The following RPTOR variants were observed in gnomAD, a reference collection of about 807,000 sequenced individuals.
RPTOR encodes the protein regulatory-associated protein of mTOR.
RPTOR carries 21 observed loss-of-function variants against 169.9 expected under a neutral mutation model. That is an observed-to-expected ratio of 0.12 (90% CI 0.09 to 0.18). The LOEUF (loss-of-function observed/expected upper bound fraction) is 0.18, where lower values mean the gene tolerates loss of function less well. RPTOR is among the 10% of genes least tolerant of loss of function. The pLI is 1.00. For synonymous variants in RPTOR, 732 were observed against 753.2 expected (o/e 0.97, Z 0.46); for missense variants, 1,133 against 1,855.9 (o/e 0.61, Z 7.16).
At chr17:80,598,163 T>G (rs1351672669) in intron 1 of RPTOR, among the ~76,000 whole-genome samples, 1 of 151,786 alleles carries the variant, frequency 6.6e-6, no homozygotes, top group East Asian at 1.9e-4. Context: ...TTCGTCTGCT[T>G]GAGATGTGGG....
Position 80,962,505 on chromosome 17 carries a change from C to G in RPTOR, c.3737C>G (p.Ser1246Trp). The stretch of plus-strand genomic sequence containing the variant: ...ATCTTTGATCCCCGGATGCCTGAGT[C>G]GGTAAATGTGCTTCAGATCGTGAAG... Reference protein sequence around the residue: ...VRIFDPRMPESVNVLQIVKGL... With the variant: ...VRIFDPRMPEWVNVLQIVKGL... The change falls in exon 32 of 34, where the codon TCG becomes TGG. Residue 1246 changes from serine (S) to tryptophan (W), a missense_variant. By Grantham distance (177) the Ser-to-Trp change is radical. This residue lies in a region of RPTOR where 410 missense variants were observed against 623.7 expected (regional missense o/e 0.66). Coordinates refer to ENST00000306801, the MANE Select transcript of RPTOR (RefSeq NM_020761.3). 6.2e-7 allele frequency: 1 copy of G among 1,613,960 alleles called. No individual in the cohort carries two copies. The highest frequency in any genetic ancestry group is 8.5e-7 in the Non-Finnish European group (1 of 1,179,952).
intron 6 of RPTOR, among the ~76,000 whole-genome samples, chr17:80,768,327 G>A (rs1359614579): frequency 6.6e-6 from 1 of 152,232 alleles, no homozygotes; most frequent in Non-Finnish European, 1.5e-5. Flanking sequence ...AGGCCGCTTA[G>A]TGAGTCCCAA....
intron 1 of RPTOR, among the ~76,000 whole-genome samples, chr17:80,620,827 A>C (rs1183184508): frequency 6.6e-6 from 1 of 152,240 alleles, no homozygotes; most frequent in Non-Finnish European, 1.5e-5. Flanking sequence ...AAATCTGCAG[A>C]GGAGCAAGAC....
intron 31 of RPTOR, among the ~76,000 whole-genome samples, chr17:80,962,090 C>T (rs2069350847): frequency 6.6e-6 from 1 of 152,224 alleles, no homozygotes; most frequent in Non-Finnish European, 1.5e-5. Context: ...GCCATCCAGG[C>T]TCTGTCTCCC....
At chr17:80,795,641 CG>C (rs2067093944) in intron 7 of RPTOR, among the ~76,000 whole-genome samples, 1 of 151,884 alleles carries the variant, frequency 6.6e-6, no homozygotes, top group African/African-American at 2.4e-5. Context: ...ATTAGGGATT[CG>C]GGGTACGAGG....
intron 12 of RPTOR, 48 bp from the exon 13 acceptor site, chr17:80,857,742 G>A (rs764407197): frequency 2.2e-5 from 31 of 1,427,886 alleles, no homozygotes; most frequent in South Asian, 1.0e-4. Context: ...GCTGCTGCCC[G>A]TTCCCTTGCT....
intron 1 of RPTOR, among the ~76,000 whole-genome samples, chr17:80,571,378 T>C (rs1319166654): frequency 6.6e-6 from 1 of 152,204 alleles, no homozygotes; most frequent in Non-Finnish European, 1.5e-5. Flanking sequence ...TCAGTATTTA[T>C]AAAAACATCT....
chr17:80,714,046 C>T (rs1419776653), intron 4 of RPTOR, among the ~76,000 whole-genome samples: 1 of 152,120 alleles, frequency 6.6e-6, no homozygotes, highest in Non-Finnish European at 1.5e-5. Context: ...TCAAGCTATT[C>T]TCCTGCCTCA....
intron 3 of RPTOR, among the ~76,000 whole-genome samples, chr17:80,677,768 A>G (rs1181199862): frequency 2.5e-5 from 3 of 118,280 alleles, no homozygotes; most frequent in Non-Finnish European, 5.2e-5. Context: ...AAAGAATAAC[A>G]AAATAAACCC....
chr17:80,952,523 G>A (rs1173538134), intron 28 of RPTOR, among the ~76,000 whole-genome samples: 4 of 152,208 alleles, frequency 2.6e-5, no homozygotes, highest in African/African-American at 4.8e-5. Flanking sequence ...TCCCGGACCC[G>A]CTTGCCCAGT....
chr17:80,745,005 A>T (rs958486069), intron 5 of RPTOR, among the ~76,000 whole-genome samples: 2 of 152,210 alleles, frequency 1.3e-5, no homozygotes, highest in Non-Finnish European at 2.9e-5. Context: ...GGTTACTAGC[A>T]CAGTCCTGGC....
intron 3 of RPTOR, among the ~76,000 whole-genome samples, chr17:80,673,429 G>A (rs1403472753): frequency 6.6e-6 from 1 of 152,190 alleles, no homozygotes; most frequent in East Asian, 1.9e-4. Flanking sequence ...CTGTGGAGGT[G>A]GAGGGGGCTC....
At chr17:80,566,076 C>T (rs1355545219) in intron 1 of RPTOR, among the ~76,000 whole-genome samples, 4 of 152,226 alleles carry the variant, frequency 2.6e-5, no homozygotes, top group African/African-American at 4.8e-5. Context: ...TGGAGTCCCA[C>T]TGACCTTTCT....
intron 3 of RPTOR, among the ~76,000 whole-genome samples, chr17:80,698,239 G>C (rs1254260364): frequency 6.6e-6 from 1 of 152,182 alleles, no homozygotes; most frequent in Non-Finnish European, 1.5e-5. Flanking sequence ...GTGAGCAGGG[G>C]AGCCACGTGA....
At chr17:80,673,761 C>T (rs1006467521) in intron 3 of RPTOR, among the ~76,000 whole-genome samples, 1 of 152,232 alleles carries the variant, frequency 6.6e-6, no homozygotes, top group African/African-American at 2.4e-5. Flanking sequence ...GTCTAAAGCT[C>T]TGCTCTGGTC....
chr17:80,679,597 C>G (rs911886367), intron 3 of RPTOR, among the ~76,000 whole-genome samples: 19 of 152,170 alleles, frequency 1.2e-4, no homozygotes, highest in Admixed American at 1.1e-3. Flanking sequence ...AGCCTGCAAA[C>G]TTTAAATTTT....
At chr17:80,585,192 TA>T (rs1568319694) in intron 1 of RPTOR, among the ~76,000 whole-genome samples, 33 of 148,550 alleles carry the variant, frequency 2.2e-4, no homozygotes, top group African/African-American at 6.9e-4. Flanking sequence ...TTATTATTAT[TA>T]TTATTATTAT....
At chr17:80,699,067 C>T (rs1487328447) in intron 3 of RPTOR, among the ~76,000 whole-genome samples, 1 of 152,180 alleles carries the variant, frequency 6.6e-6, no homozygotes, top group Non-Finnish European at 1.5e-5. Flanking sequence ...GGTGTTGGAG[C>T]AAAAGCCTTG....
chr17:80,883,999 A>G (rs749265911), intron 16 of RPTOR, 27 bp downstream of exon 16: 1 of 1,595,272 alleles, frequency 6.3e-7, no homozygotes, highest in Non-Finnish European at 8.6e-7. Context: ...CTCAGAGTCC[A>G]GTCCTCCTGG....
Sources: allele counts gnomAD v4.1 joint callset (sites outside exome capture counted in the v4.1 genomes callset), GRCh38; gene constraint gnomAD v4.1.1; regional missense constraint gnomAD v4.1.1; transcripts MANE v1.5; gene names NCBI Gene and HGNC (gene_info 2026-07-23, HGNC 2026-07-21).